Variants in ZNF536 observed in about 807,000 individuals in gnomAD.
ZNF536 encodes the protein zinc finger protein 536.
In ZNF536, 13 loss-of-function variants were observed where a neutral mutation model predicts 84.5. That is an observed-to-expected ratio of 0.15 (90% CI 0.10 to 0.24). The LOEUF (loss-of-function observed/expected upper bound fraction) is 0.24. ZNF536 is among the 10% of genes least tolerant of loss of function. The pLI is 1.00. For missense variants in ZNF536, 1,536 were observed against 1,747.5 expected (o/e 0.88, Z 2.16); for synonymous variants, 811 against 742.5 (o/e 1.09, Z -1.50).
At position 30,365,612 on chromosome 19, in the gene ZNF536, C is replaced by T. The variant is rs546851316; in HGVS notation, c.-3+13128C>T. ...GACAACCCAGCTGACCACCAGGTCC[C>T]GTGTAGCAAGGACTCCCGTGGAGGT... On this transcript the variant is annotated intron_variant, in intron 3 of 5. Transcript: ENST00000585628. 1.6e-4 allele frequency among the ~76,000 whole-genome samples: 24 copies of T among 152,282 alleles called. 1 individual carries two copies. The South Asian group carries it at 1.7e-3, about 11-fold the overall frequency.
chr19:30,566,232 C>A (rs2046341195), intron 1 of ZNF536, among the ~76,000 whole-genome samples: 2 of 152,242 alleles, frequency 1.3e-5, no homozygotes, highest in Middle Eastern at 3.4e-3. Context: ...ACGTTTTGTT[C>A]CGTTCAAAAA....
intron 1 of ZNF536, among the ~76,000 whole-genome samples, chr19:30,705,753 T>G (rs557981910): frequency 6.6e-6 from 1 of 152,364 alleles, no homozygotes; most frequent in East Asian, 1.9e-4. Flanking sequence ...TAGCATTGTA[T>G]AGACTTCTTT....
At chr19:30,685,641 C>T (rs745938869) in intron 1 of ZNF536, among the ~76,000 whole-genome samples, 1 of 152,152 alleles carries the variant, frequency 6.6e-6, no homozygotes, top group Non-Finnish European at 1.5e-5. Flanking sequence ...TTCTCTGGAC[C>T]TCTGGCTTCA....
At chr19:30,404,041 T>G (rs1254953832) in intron 1 of ZNF536, among the ~76,000 whole-genome samples, 4 of 129,874 alleles carry the variant, frequency 3.1e-5, no homozygotes, top group Non-Finnish European at 4.8e-5. Context: ...TTTTTTTTTC[T>G]GCTGTTCATT....
At chr19:30,528,953 C>A (rs1160310231) in intron 2 of ZNF536, among the ~76,000 whole-genome samples, 1 of 148,698 alleles carries the variant, frequency 6.7e-6, no homozygotes, top group East Asian at 2.0e-4. Context: ...CGGGCAGAGA[C>A]AGCCTGGGAT....
chr19:30,419,102 A>G (rs541216920), intron 1 of ZNF536, among the ~76,000 whole-genome samples: 2 of 152,250 alleles, frequency 1.3e-5, no homozygotes, highest in Non-Finnish European at 2.9e-5. Context: ...TTCTATGCCT[A>G]TATATTCTTT....
intron 1 of ZNF536, among the ~76,000 whole-genome samples, chr19:30,412,499 G>T (rs951428621): frequency 3.3e-5 from 5 of 151,912 alleles, no homozygotes; most frequent in African/African-American, 1.2e-4. Flanking sequence ...GAATTATTGG[G>T]GGTAAACTCT....
chr19:30,711,097 A>G (rs756699748), exon 2 of ZNF536: 1 of 152,132 alleles, frequency 6.6e-6, no homozygotes, highest in African/African-American at 2.4e-5. Context: ...GGAAAAAATC[A>G]TGTACAACCC....
At position 30,444,885 on chromosome 19, in the gene ZNF536, G is replaced by A. The variant is rs753554537; in HGVS notation, c.1323G>A (p.Pro441=). 41 of 1,612,138 alleles carry A rather than the reference G, an allele frequency of 2.5e-5. No individual in the cohort carries two copies. The highest frequency in any genetic ancestry group is 3.3e-4 in the Middle Eastern group (2 of 6,078). Residue 441 remains proline (P), a synonymous_variant, in exon 2 of 5, where the codon CCG becomes CCA. Coordinates refer to ENST00000355537, the MANE Select transcript of ZNF536 (RefSeq NM_014717.3). The part of the protein sequence containing the change: ...LSCLQSGFMT[P]DKAGLSEPSQ... ...GCCTGCAGAGTGGCTTCATGACCCC[G>A]GACAAAGCCGGCCTGAGCGAGCCCA... is the stretch of plus-strand genomic sequence containing the variant.
chr19:30,258,317 C>A (rs551093729), intron 1 of ZNF536, among the ~76,000 whole-genome samples: 2 of 152,170 alleles, frequency 1.3e-5, no homozygotes, highest in African/African-American at 2.4e-5. Context: ...TCTTGTTAAA[C>A]GTGAGAAAAG....
chr19:30,610,108 C>G (rs1331873779), intron 1 of ZNF536, among the ~76,000 whole-genome samples: 1 of 152,234 alleles, frequency 6.6e-6, no homozygotes, highest in African/African-American at 2.4e-5. Flanking sequence ...TGTGGAAAGA[C>G]AAAAGCACAT....
chr19:30,226,195 C>G (rs928950355), upstream of ZNF536, among the ~76,000 whole-genome samples: 9 of 134,666 alleles, frequency 6.7e-5, no homozygotes, highest in African/African-American at 1.7e-4. This position sits in a 1 kb window ranked among gnomAD's most constrained non-coding sequence, Gnocchi z 4.6. Flanking sequence ...TCTCAGGCCC[C>G]GGGAAACTTT....
intron 1 of ZNF536, among the ~76,000 whole-genome samples, chr19:30,232,697 T>C (rs1288061155): frequency 1.3e-5 from 2 of 152,224 alleles, no homozygotes; most frequent in Non-Finnish European, 2.9e-5. Flanking sequence ...AGGTGGGGTT[T>C]ATTTTCCCTA....
intron 3 of ZNF536, among the ~76,000 whole-genome samples, chr19:30,358,648 C>T (rs1384817048): frequency 6.6e-6 from 1 of 152,336 alleles, no homozygotes; most frequent in African/African-American, 2.4e-5. Flanking sequence ...TTCTGATATG[C>T]AGGAATGGCA....
At chr19:30,424,093 A>G (rs1223399928) in intron 1 of ZNF536, among the ~76,000 whole-genome samples, 4 of 152,210 alleles carry the variant, frequency 2.6e-5, no homozygotes, top group Non-Finnish European at 4.4e-5. Context: ...GATGCTGGCC[A>G]GGGGACACTT....
intron 1 of ZNF536, among the ~76,000 whole-genome samples, chr19:30,400,261 G>A (rs552720028): frequency 4.6e-5 from 7 of 152,142 alleles, no homozygotes; most frequent in African/African-American, 1.4e-4. Flanking sequence ...TTGTTAGATC[G>A]TATGGTAAGG....
chr19:30,445,610 T>C lies in ZNF536; in HGVS notation c.2048T>C (p.Val683Ala), dbSNP rs909932455. 4 of 1,612,684 alleles carry C rather than the reference T, an allele frequency of 2.5e-6. No individual in the cohort carries two copies. In the African/African-American group the frequency reaches 5.3e-5, roughly 22 times the overall value. ...GSGSDQESQS[V>A]SRSTTPGSSN... Reference sequence around the variant, plus strand: ...GGCAGTGACCAGGAGTCCCAGTCGGTGAGCCGCTCCACCACGCCGGGCTCC... The same window carrying C: ...GGCAGTGACCAGGAGTCCCAGTCGGCGAGCCGCTCCACCACGCCGGGCTCC... The change falls in exon 2 of 5, where the codon GTG (valine) becomes GCG (alanine). Residue 683 changes from valine to alanine, a missense_variant. Coordinates refer to ENST00000355537, the MANE Select transcript of ZNF536 (RefSeq NM_014717.3). This position sits in a 1 kb window ranked among gnomAD's most constrained non-coding sequence, Gnocchi z 4.5.
chr19:30,256,267 T>C (rs1277390199), intron 1 of ZNF536, among the ~76,000 whole-genome samples: 1 of 152,202 alleles, frequency 6.6e-6, no homozygotes, highest in Non-Finnish European at 1.5e-5. Context: ...GTCTTTTGTG[T>C]TGAAACATAG....
intron 3 of ZNF536, among the ~76,000 whole-genome samples, chr19:30,543,938 G>A (rs955634769): frequency 2.6e-5 from 4 of 152,136 alleles, no homozygotes; most frequent in African/African-American, 7.2e-5. Flanking sequence ...TGCCCTGGCC[G>A]GGGCTCACTT....
Sources: allele counts gnomAD v4.1 joint callset (sites outside exome capture counted in the v4.1 genomes callset), GRCh38; gene constraint gnomAD v4.1.1; non-coding constraint Gnocchi (gnomAD v3.1); transcripts MANE v1.5; gene names NCBI Gene and HGNC (gene_info 2026-07-23, HGNC 2026-07-21).